The following ZCCHC7 variants were observed in gnomAD, a reference collection of about 807,000 sequenced individuals.
ZCCHC7 encodes the protein zinc finger CCHC domain-containing protein 7.
Under a neutral mutation model 52.0 loss-of-function variants are expected in ZCCHC7, and 35 were observed. The observed-to-expected ratio is 0.67, with a 90% CI of 0.51 to 0.89. The LOEUF is 0.89. ZCCHC7 is among the 40% of genes least tolerant of loss of function. The probability of loss-of-function intolerance (pLI) is 0.00; values close to 1 mark genes in which losing one functional copy is unlikely to be tolerated. For synonymous variants in ZCCHC7, 217 were observed against 221.5 expected (o/e 0.98, Z 0.18); for missense variants, 574 against 649.1 (o/e 0.88, Z 1.26).
At chr9:37,355,234 G>T (rs1821623340) in intron 8 of ZCCHC7, among the ~76,000 whole-genome samples, 2 of 152,084 alleles carry the variant, frequency 1.3e-5, no homozygotes, top group African/African-American at 4.8e-5. Flanking sequence ...GAAGTCATTT[G>T]TTAGAGGCCA....
In ZCCHC7 at chr9:37,304,180, T is replaced by TC. The variant is rs1554727069; in HGVS notation, c.655-5dup. On this transcript the variant is annotated splice_region_variant and splice_polypyrimidine_tract_variant and intron_variant, in intron 3 of 8. Coordinates refer to ENST00000336755, the MANE Select transcript of ZCCHC7 (RefSeq NM_032226.3). ...ATTTTTTTAATTCTTGATTTTTTTTTCCCTTAGGCCCAGATAGCTAATAAC... is the reference window on the plus strand; with the variant it reads ...ATTTTTTTAATTCTTGATTTTTTTTTCCCCTTAGGCCCAGATAGCTAATAAC... The TC allele has an allele frequency of 1.3e-5, 20 of 1,588,570 alleles. No individual in the cohort carries two copies. The highest frequency in any genetic ancestry group is 2.7e-5 in the African/African-American group (2 of 72,760).
At chr9:37,172,065 TC>T (rs1226715097) in intron 2 of ZCCHC7, among the ~76,000 whole-genome samples, 1 of 152,192 alleles carries the variant, frequency 6.6e-6, no homozygotes, top group Admixed American at 6.5e-5. Context: ...GGGACCTGTG[TC>T]TCTTAAAGTT....
At chr9:37,210,913 A>G (rs528858018) in intron 2 of ZCCHC7, among the ~76,000 whole-genome samples, 2 of 152,150 alleles carry the variant, frequency 1.3e-5, no homozygotes, top group Admixed American at 1.3e-4. Context: ...ATTAGTCTCT[A>G]TGTCTTTCAG....
At chr9:37,257,033 C>T (rs1366724132) in intron 2 of ZCCHC7, among the ~76,000 whole-genome samples, 2 of 151,858 alleles carry the variant, frequency 1.3e-5, no homozygotes, top group Non-Finnish European at 2.9e-5. Context: ...TGGGAGACAC[C>T]CATGGAATTA....
chr9:37,235,841 G>A (rs1825626848), intron 2 of ZCCHC7, among the ~76,000 whole-genome samples: 1 of 151,464 alleles, frequency 6.6e-6, no homozygotes, highest in Non-Finnish European at 1.5e-5. Flanking sequence ...ACCCACCTTG[G>A]CCTCCCAAAG....
chr9:37,176,743 T>G (rs1822055038), intron 2 of ZCCHC7, among the ~76,000 whole-genome samples: 1 of 152,204 alleles, frequency 6.6e-6, no homozygotes, highest in Non-Finnish European at 1.5e-5. Context: ...CTAAACAGCA[T>G]TGCAGTGTTC....
intron 2 of ZCCHC7, among the ~76,000 whole-genome samples, chr9:37,268,873 C>T (rs1286717736): frequency 6.6e-6 from 1 of 152,160 alleles, no homozygotes; most frequent in Non-Finnish European, 1.5e-5. Context: ...TTGAATACTA[C>T]TGTATGCTAT....
chr9:37,297,851 C>T (rs555848848), intron 2 of ZCCHC7, among the ~76,000 whole-genome samples: 8 of 152,310 alleles, frequency 5.3e-5, no homozygotes, highest in Non-Finnish European at 7.4e-5. Flanking sequence ...AAAGGAATGA[C>T]GATCTTCAGC....
rs142306879 is a variant in ZCCHC7, at chr9:37,262,385, T to C, written c.611-39803T>C. Among the ~76,000 whole-genome samples, 7 of 152,332 alleles carry C rather than the reference T, an allele frequency of 4.6e-5. No individual in the cohort carries two copies. In the East Asian group the frequency reaches 1.3e-3, roughly 29 times the overall value. Reference sequence around the variant, plus strand: ...GGCAGGAACTTTAGCATCATCTTGTTTTATGAACTCTAATTTACTTATCAA... The same window carrying C: ...GGCAGGAACTTTAGCATCATCTTGTCTTATGAACTCTAATTTACTTATCAA... On this transcript the variant is annotated intron_variant, in intron 2 of 8. Transcript: ENST00000336755.
intron 2 of ZCCHC7, among the ~76,000 whole-genome samples, chr9:37,185,750 G>C (rs1471492737): frequency 6.6e-6 from 1 of 151,850 alleles, no homozygotes; most frequent in Non-Finnish European, 1.5e-5. Flanking sequence ...TTGGTTTCAG[G>C]GTCCACTCTA....
intron 2 of ZCCHC7, among the ~76,000 whole-genome samples, chr9:37,175,496 G>A (rs1821970299): frequency 6.6e-6 from 1 of 152,056 alleles, no homozygotes; most frequent in East Asian, 1.9e-4. Flanking sequence ...TTGAGTCCAG[G>A]AGTTTGAGGC....
chr9:37,164,507 A>AGAC (rs1554705364), intron 2 of ZCCHC7, among the ~76,000 whole-genome samples: 35 of 151,692 alleles, frequency 2.3e-4, no homozygotes, highest in African/African-American at 8.0e-4. Flanking sequence ...ATAGACAGAC[A>AGAC]AGATAGATAG....
At chr9:37,272,491 T>TAAAAAAAAA (rs551495038) in intron 2 of ZCCHC7, among the ~76,000 whole-genome samples, 139 of 97,602 alleles carry the variant, frequency 1.4e-3, no homozygotes, top group East Asian at 3.0e-3. Flanking sequence ...AGCTGTGTGG[T>TAAAAAAAAA]AAAAAAAAAA....
chr9:37,216,991 A>G (rs1824542752), intron 2 of ZCCHC7, among the ~76,000 whole-genome samples: 1 of 152,160 alleles, frequency 6.6e-6, no homozygotes, highest in Non-Finnish European at 1.5e-5. Flanking sequence ...AATGCACTTT[A>G]TCCTCTATCT....
At chr9:37,274,331 C>CTTTTT (rs10653910) in intron 2 of ZCCHC7, among the ~76,000 whole-genome samples, 6 of 76,670 alleles carry the variant, frequency 7.8e-5, no homozygotes, top group East Asian at 3.8e-4. Flanking sequence ...TATCTAATTT[C>CTTTTT]TTTTTTTTTT....
chr9:37,126,866 A>C lies in ZCCHC7; in HGVS notation c.534A>C (p.Leu178=), dbSNP rs1290037703. 1.2e-6 allele frequency: 2 copies of C among 1,614,068 alleles called. No individual in the cohort carries two copies. The highest frequency in any genetic ancestry group is 2.2e-5 in the East Asian group (1 of 44,890). ...SEGDNVESWM[L]LGCEVDDKDD... Reference sequence around the variant, plus strand: ...GTGATAATGTGGAAAGCTGGATGCTACTGGGATGTGAAGTAGATGATAAAG... The same window carrying C: ...GTGATAATGTGGAAAGCTGGATGCTCCTGGGATGTGAAGTAGATGATAAAG... The change falls in exon 2 of 9, where the codon CTA becomes CTC. Residue 178 remains leucine (L), a synonymous_variant. Coordinates refer to ENST00000336755, the MANE Select transcript of ZCCHC7 (RefSeq NM_032226.3).
Position 37,269,636 on chromosome 9 carries a change from A to C in ZCCHC7, c.611-32552A>C, listed in dbSNP as rs972214951. 6.3e-4 allele frequency among the ~76,000 whole-genome samples: 94 copies of C among 148,506 alleles called. 2 individuals are homozygous for C. Among genetic ancestry groups the C allele is most frequent in the Non-Finnish European group, 1.1e-3 (75 of 66,598 alleles). The stretch of plus-strand genomic sequence containing the variant: ...TCTGTCTCAAAAAAAAAAAAAAAAA[A>C]AAAAAAAAAACAAAAGAAGTTCTAG... On this transcript the variant is annotated intron_variant, in intron 2 of 8. Transcript: ENST00000336755.
chr9:37,161,464 A>G (rs1821100543), intron 2 of ZCCHC7, among the ~76,000 whole-genome samples: 1 of 151,798 alleles, frequency 6.6e-6, no homozygotes, highest in Non-Finnish European at 1.5e-5. Context: ...AGTCCCAGCT[A>G]CTCGGGAGGC....
rs56401609 is a variant in ZCCHC7 at position 37,199,005 on chromosome 9, C to T, written c.610+72063C>T. Among the ~76,000 whole-genome samples, 112 of 152,214 alleles carry T rather than the reference C, an allele frequency of 7.4e-4. 1 individual carries two copies. Among genetic ancestry groups the T allele is most frequent in the African/African-American group, 2.6e-3 (106 of 41,550 alleles). ...ACTGCTTACCACCTGTATCTTTTAG[C>T]CTTCTACCCACTGAGCTCCTTTTCT... is the stretch of plus-strand genomic sequence containing the variant. On this transcript the variant is annotated intron_variant, in intron 2 of 8. Transcript: ENST00000336755.
Sources: allele counts gnomAD v4.1 joint callset (sites outside exome capture counted in the v4.1 genomes callset), GRCh38; gene constraint gnomAD v4.1.1; transcripts MANE v1.5; gene names NCBI Gene and HGNC (gene_info 2026-07-23, HGNC 2026-07-21).